The following SNX13 variants were observed in gnomAD, a reference collection of about 807,000 sequenced individuals.
The protein encoded by SNX13 is sorting nexin 13.
In SNX13, 45 loss-of-function variants were observed where a neutral mutation model predicts 133.6. The observed-to-expected ratio is 0.34, with a 90% confidence interval of 0.27 to 0.43. SNX13 has a LOEUF of 0.43. Among genes scored for constraint, SNX13 ranks in the 20% least tolerant of loss-of-function variants. The pLI, the probability that SNX13 is intolerant of heterozygous loss-of-function variation, is 1.00. For synonymous variants in SNX13, 414 were observed against 373.9 expected (o/e 1.11, Z -1.24); for missense variants, 1,032 against 1,145.1 (o/e 0.90, Z 1.43).
At chr7:17,926,319 C>A (rs1169713904) in intron 1 of SNX13, among the ~76,000 whole-genome samples, 3 of 151,602 alleles carry the variant, frequency 2.0e-5, no homozygotes, top group Non-Finnish European at 4.4e-5. Context: ...CAAAACACAT[C>A]ACAAATATAC....
chr7:17,888,633 C>T (rs184144761), intron 5 of SNX13: 1 of 464,560 alleles, frequency 2.2e-6, no homozygotes, highest in Non-Finnish European at 4.4e-6. Flanking sequence ...TTTCTAAATT[C>T]CTTCACAATT....
At chr7:17,812,100 T>A (rs781750951) in intron 20 of SNX13, among the ~76,000 whole-genome samples, 2 of 152,116 alleles carry the variant, frequency 1.3e-5, no homozygotes, top group African/African-American at 4.8e-5. Flanking sequence ...AAAGACTTCA[T>A]GACTAAAACA....
At chr7:17,866,917 T>A (rs1793468337) in intron 9 of SNX13, among the ~76,000 whole-genome samples, 1 of 152,198 alleles carries the variant, frequency 6.6e-6, no homozygotes, top group Non-Finnish European at 1.5e-5. Context: ...ACCCCAATTA[T>A]CCTGATTTGA....
chr7:17,799,219 T>G lies in SNX13; in HGVS notation c.2299-65A>C. The G allele has an allele frequency of 2.2e-6, 3 of 1,351,982 alleles. No homozygotes were observed. In the South Asian group the frequency reaches 4.8e-5, roughly 22 times the overall value. The allele number at this position is 1,351,982 out of a possible 1,614,324, so 83.7% of individuals were successfully genotyped here. On this transcript the variant is annotated intron_variant, in intron 22 of 25. Transcript: ENST00000428135. The stretch of plus-strand genomic sequence containing the variant: ...TATCTACTATGAATTGTTACTTTTG[T>G]TGCTTTTACGAAATGATTGATATTT...
chr7:17,796,536 A>G (rs1024287724), intron 25 of SNX13: 5 of 262,052 alleles, frequency 1.9e-5, no homozygotes, highest in Non-Finnish European at 3.6e-5. Flanking sequence ...AAGCCAAGTC[A>G]GAATACCAAC....
At chr7:17,860,405 G>A (rs192114679) in intron 9 of SNX13, among the ~76,000 whole-genome samples, 7 of 152,156 alleles carry the variant, frequency 4.6e-5, no homozygotes, top group Admixed American at 3.9e-4. Flanking sequence ...TATATGGCTT[G>A]CAAATATTTT....
intron 15 of SNX13, chr7:17,831,470 G>A (rs79222456): frequency 0.09 from 86,785 of 968,160 alleles, 4,257 homozygotes; most frequent in South Asian, 0.15. Context: ...GAAAAGGAGA[G>A]AGGAGAGATA....
Position 17,826,344 on chromosome 7 carries a change from T to C in SNX13, c.1636-253A>G, listed in dbSNP as rs73081325. 1.6e-3 allele frequency among the ~76,000 whole-genome samples: 244 copies of C among 152,140 alleles called. 2 individuals are homozygous for C. Among genetic ancestry groups the C allele is most frequent in the South Asian group, 0.01 (49 of 4,826 alleles). ...ATATATTAGATTATTTCTCCCTTAA[T>C]TGCTTGTCCATCTACTGTAACTTGC... On this transcript the variant is annotated intron_variant, in intron 16 of 25. Coordinates refer to ENST00000428135, the MANE Select transcript of SNX13 (RefSeq NM_015132.5).
chr7:17,916,315 G>A (rs963651242), intron 1 of SNX13, among the ~76,000 whole-genome samples: 2 of 152,032 alleles, frequency 1.3e-5, no homozygotes, highest in Admixed American at 6.6e-5. Context: ...TAAAATCACA[G>A]CAAAACTCAA....
chr7:17,884,451 T>C (rs1392484119), intron 5 of SNX13, among the ~76,000 whole-genome samples: 3 of 152,248 alleles, frequency 2.0e-5, no homozygotes, highest in Admixed American at 2.0e-4. Flanking sequence ...TGTGTTCTTA[T>C]GAACGAAAAC....
Position 17,890,436 on chromosome 7 carries a change from G to C in SNX13, c.367C>G (p.Leu123Val). The C allele has an allele frequency of 1.9e-6, 3 of 1,609,318 alleles. No homozygotes were observed. The African/African-American group carries it at 4.0e-5, about 21-fold the overall frequency. The part of the protein sequence containing the change: ...RDYVQYWYYT[L>V]SDDESFLLEI... ...AGAAGAAAAGATTCATCATCGCTTA[G>C]TGTATAATACCAATACTGGACATAA... Residue 123 changes from leucine (L) to valine (V), a missense_variant, in exon 5 of 26, where the codon CTA becomes GTA. Leu to Val is a conservative substitution (Grantham distance 32, BLOSUM62 1). Coordinates refer to ENST00000428135, the MANE Select transcript of SNX13 (RefSeq NM_015132.5).
intron 9 of SNX13, among the ~76,000 whole-genome samples, chr7:17,858,970 G>A (rs898069899): frequency 1.3e-5 from 2 of 151,894 alleles, no homozygotes; most frequent in Non-Finnish European, 2.9e-5. Context: ...ATAAATCATA[G>A]AACAAAATAT....
intron 8 of SNX13, among the ~76,000 whole-genome samples, chr7:17,872,905 C>G (rs1794280943): frequency 6.6e-6 from 1 of 152,158 alleles, no homozygotes; most frequent in Admixed American, 6.5e-5. Flanking sequence ...GAACTTTACT[C>G]TGAAGGTTTA....
intron 13 of SNX13, among the ~76,000 whole-genome samples, chr7:17,836,741 C>G (rs1353240065): frequency 6.6e-6 from 1 of 151,944 alleles, no homozygotes; most frequent in East Asian, 1.9e-4. Flanking sequence ...CTCTAATATA[C>G]CAATTTAACT....
rs564485789 is a variant in SNX13, at chr7:17,897,395, T to C, written c.64A>G (p.Ile22Val). ...AATATTACAAAGGGTCCAAAGGTTA[T>C]CAGAAAAAGGACAATGCCAAGGCTT... ...WGSLGIVLFL[I>V]TFGPFVIFYL... The change falls in exon 2 of 26, where the codon ATA becomes GTA. Residue 22 changes from isoleucine to valine, a missense_variant. Ile to Val is a conservative substitution (Grantham distance 29, BLOSUM62 3). Coordinates refer to ENST00000428135, the MANE Select transcript of SNX13 (RefSeq NM_015132.5). 8 of 1,605,370 alleles carry C rather than the reference T, an allele frequency of 5.0e-6. No homozygotes were observed. The African/African-American group carries it at 1.1e-4, about 21-fold the overall frequency.
intron 5 of SNX13, chr7:17,881,068 T>C (rs1012544469): frequency 1.3e-5 from 2 of 152,110 alleles, no homozygotes; most frequent in African/African-American, 4.8e-5. Context: ...ATGATAAAAG[T>C]AAAAGCTGCT....
chr7:17,847,001 T>G (rs981248250), intron 11 of SNX13, among the ~76,000 whole-genome samples: 1 of 152,194 alleles, frequency 6.6e-6, no homozygotes, highest in Non-Finnish European at 1.5e-5. Flanking sequence ...ATAAAGCTTG[T>G]ATTCAAAATG....
chr7:17,830,928 T>A (rs1461749851), intron 15 of SNX13: 2 of 984,274 alleles, frequency 2.0e-6, no homozygotes, highest in East Asian at 2.3e-4. Context: ...CCTTCCAAAT[T>A]TACTCTAAAT....
intron 18 of SNX13, among the ~76,000 whole-genome samples, chr7:17,819,161 C>A (rs1232192973): frequency 6.6e-6 from 1 of 152,156 alleles, no homozygotes; most frequent in Non-Finnish European, 1.5e-5. Context: ...TCTTATAAGT[C>A]TCCATAAAAT....
Sources: allele counts gnomAD v4.1 joint callset (sites outside exome capture counted in the v4.1 genomes callset), GRCh38; gene constraint gnomAD v4.1.1; transcripts MANE v1.5; gene names NCBI Gene and HGNC (gene_info 2026-07-23, HGNC 2026-07-21).